GRID2: variants seen among roughly 807,000 people sequenced by gnomAD.
The protein encoded by GRID2 is glutamate receptor ionotropic, delta-2.
GRID2 carries 33 observed loss-of-function variants against 114.8 expected under a neutral mutation model. The ratio of observed to expected loss-of-function variants is 0.29; its 90% CI spans 0.22 to 0.38. The LOEUF (loss-of-function observed/expected upper bound fraction) is 0.38. Ranked by LOEUF, GRID2 falls within the 10% of genes least tolerant of loss-of-function variation. The pLI is 1.00. For synonymous variants in GRID2, 505 were observed against 449.9 expected, an observed-to-expected ratio of 1.12 and a Z score of -1.55; for missense variants, 1,184 against 1,257.7, an observed-to-expected ratio of 0.94 and a Z score of 0.89.
At chr4:93,468,511 G>A (rs72668743) in intron 11 of GRID2, among the ~76,000 whole-genome samples, 2,097 of 152,242 alleles carry the variant, frequency 0.014, 18 homozygotes, top group South Asian at 0.055. Context: ...AGAATTTGAT[G>A]TTGAACAAAA....
intron 11 of GRID2, among the ~76,000 whole-genome samples, chr4:93,482,097 G>A (rs780723192): frequency 4.6e-5 from 7 of 151,830 alleles, no homozygotes; most frequent in Non-Finnish European, 1.0e-4. Context: ...ATGCCAAAAG[G>A]AGTTTGAGAT....
At chr4:92,596,059 A>G (rs1360748725) in intron 2 of GRID2, among the ~76,000 whole-genome samples, 1 of 152,136 alleles carries the variant, frequency 6.6e-6, no homozygotes, top group Non-Finnish European at 1.5e-5. Context: ...TTCCTAGCAT[A>G]ATACTACAGT....
At chr4:92,390,845 T>C (rs1281113473) in intron 1 of GRID2, among the ~76,000 whole-genome samples, 1 of 152,166 alleles carries the variant, frequency 6.6e-6, no homozygotes, top group Non-Finnish European at 1.5e-5. Context: ...TTTCTGTTTT[T>C]CTCACTAAGA....
intron 2 of GRID2, among the ~76,000 whole-genome samples, chr4:92,755,385 C>A (rs1737663916): frequency 6.6e-6 from 1 of 152,108 alleles, no homozygotes; most frequent in Admixed American, 6.6e-5. Flanking sequence ...ATAAGCAATT[C>A]ATGAAGATAA....
chr4:93,560,323 C>T (rs1488437940), intron 13 of GRID2, among the ~76,000 whole-genome samples: 1 of 148,606 alleles, frequency 6.7e-6, no homozygotes, highest in East Asian at 2.0e-4. Context: ...GTTCTGCAGG[C>T]TATACAAACA....
At chr4:93,007,505 C>G (rs563022341) in intron 2 of GRID2, among the ~76,000 whole-genome samples, 1 of 152,120 alleles carries the variant, frequency 6.6e-6, no homozygotes, top group East Asian at 1.9e-4. Context: ...AGCTAAGGTA[C>G]CTTTCTGGCA....
chr4:93,250,010 A>C (rs557091799), intron 8 of GRID2, among the ~76,000 whole-genome samples: 1 of 152,306 alleles, frequency 6.6e-6, no homozygotes, highest in African/African-American at 2.4e-5. Context: ...TACCCAAAGG[A>C]TTGTAAATCA....
intron 4 of GRID2, among the ~76,000 whole-genome samples, chr4:93,146,106 AG>A (rs1736201596): frequency 6.6e-6 from 1 of 152,126 alleles, no homozygotes; most frequent in South Asian, 2.1e-4. Context: ...CTCCAGGAAT[AG>A]TATGAATTAT....
intron 13 of GRID2, among the ~76,000 whole-genome samples, chr4:93,586,943 A>T (rs1737593870): frequency 6.6e-6 from 1 of 152,130 alleles, no homozygotes; most frequent in African/African-American, 2.4e-5. Context: ...GTTGTTAAAA[A>T]ATTCAAATAA....
chr4:93,268,150 G>A (rs1751059631), intron 8 of GRID2, among the ~76,000 whole-genome samples: 1 of 152,116 alleles, frequency 6.6e-6, no homozygotes, highest in Admixed American at 6.6e-5. Flanking sequence ...TTGAACTCCT[G>A]TGTTCCTTCT....
intron 1 of GRID2, among the ~76,000 whole-genome samples, chr4:92,487,788 C>A (rs778302468): frequency 1.9e-4 from 29 of 151,908 alleles, no homozygotes; most frequent in South Asian, 6.2e-4. Context: ...TTTTTTCCTG[C>A]TACATAGTGT....
intron 8 of GRID2, among the ~76,000 whole-genome samples, chr4:93,286,688 TG>T (rs1280680449): frequency 2.1e-5 from 3 of 145,298 alleles, no homozygotes; most frequent in African/African-American, 5.5e-5. Flanking sequence ...TGTGTGTGTG[TG>T]TGGGGGTGTG....
intron 8 of GRID2, among the ~76,000 whole-genome samples, chr4:93,251,167 A>G (rs900837988): frequency 6.6e-6 from 1 of 152,088 alleles, no homozygotes; most frequent in African/African-American, 2.4e-5. Context: ...TCTCCTTGTT[A>G]GTTGGATAGT....
chr4:93,677,824 A>T (rs1725062240), intron 14 of GRID2, among the ~76,000 whole-genome samples: 1 of 152,132 alleles, frequency 6.6e-6, no homozygotes, highest in Non-Finnish European at 1.5e-5. Flanking sequence ...AACCACAAAG[A>T]TGGGGAAAAA....
At chr4:93,630,522 T>C (rs1427908562) in intron 14 of GRID2, among the ~76,000 whole-genome samples, 2 of 152,176 alleles carry the variant, frequency 1.3e-5, no homozygotes, top group Non-Finnish European at 2.9e-5. Flanking sequence ...AAAAATTCAT[T>C]AGTTTAATTT....
At chr4:92,882,025 G>T (rs1042076662) in intron 2 of GRID2, among the ~76,000 whole-genome samples, 1 of 152,086 alleles carries the variant, frequency 6.6e-6, no homozygotes, top group Non-Finnish European at 1.5e-5. Flanking sequence ...ATTTAGTAAG[G>T]ATTAGAGCCA....
At position 92,500,198 on chromosome 4, in the gene GRID2, G is replaced by C. The variant is rs185380635; in HGVS notation, c.89-89933G>C. ...TTTAAATCTTTTATCCAGTAACTTA[G>C]TGACCCCTACCTAGCTGTAGTTGCC... On this transcript the variant is annotated intron_variant, in intron 1 of 15. Transcript: ENST00000282020. Among the ~76,000 whole-genome samples, 25 of 151,856 alleles carry C rather than the reference G, an allele frequency of 1.6e-4. No homozygotes were observed. The East Asian group carries it at 4.9e-3, about 30-fold the overall frequency.
intron 1 of GRID2, among the ~76,000 whole-genome samples, chr4:93,800,127 C>A (rs192136941): frequency 6.6e-6 from 1 of 152,134 alleles, no homozygotes; most frequent in Non-Finnish European, 1.5e-5. Context: ...TTGACGATAA[C>A]GCCTCACAGG....
intron 3 of GRID2, among the ~76,000 whole-genome samples, chr4:93,104,464 C>A (rs1031337339): frequency 2.0e-4 from 31 of 151,926 alleles, no homozygotes; most frequent in South Asian, 4.2e-4. Context: ...CCACTCCCCC[C>A]ACCCCACAAC....
Sources: allele counts gnomAD v4.1 joint callset (sites outside exome capture counted in the v4.1 genomes callset), GRCh38; gene constraint gnomAD v4.1.1; transcripts MANE v1.5; gene names NCBI Gene and HGNC (gene_info 2026-07-23, HGNC 2026-07-21).